FNDC3B: variants seen among roughly 807,000 people sequenced by gnomAD.
FNDC3B encodes the protein fibronectin type III domain containing 3B.
In FNDC3B, 12 loss-of-function variants were observed where a neutral mutation model predicts 151.5. The ratio of observed to expected loss-of-function variants is 0.08; its 90% CI spans 0.05 to 0.13. FNDC3B has a LOEUF of 0.13. Ranked by LOEUF, FNDC3B falls within the 10% of genes least tolerant of loss-of-function variation. The pLI is 1.00. For synonymous variants in FNDC3B, 528 were observed against 549.0 expected (o/e 0.96, Z 0.54); for missense variants, 1,214 against 1,505.3 (o/e 0.81, Z 3.20).
intron 2 of FNDC3B, among the ~76,000 whole-genome samples, chr3:172,124,252 T>C (rs9855419): frequency 0.65 from 99,491 of 152,072 alleles, 33,029 homozygotes; most frequent in East Asian, 0.76. Context: ...TACCACACCC[T>C]GTGAATTTTT....
chr3:172,319,204 G>A (rs1403638701), intron 11 of FNDC3B, among the ~76,000 whole-genome samples: 1 of 152,222 alleles, frequency 6.6e-6, no homozygotes, highest in African/African-American at 2.4e-5. Flanking sequence ...TGAGCTGGAA[G>A]AAGACTGCCT....
In FNDC3B at chr3:172,352,756, G is replaced by A; in HGVS notation, c.2515-47G>A. ...GCAGCTAACTCAGAGGCATCAAAAT[G>A]TGCTAATGGTGTAATATGGCCTTTG... On this transcript the variant is annotated intron_variant, in intron 21 of 25. Transcript: ENST00000415807. This position sits in a 1 kb window ranked among gnomAD's most constrained non-coding sequence, Gnocchi z 4.2. The A allele has an allele frequency of 6.3e-7, 1 of 1,580,380 alleles. No homozygotes were observed. The highest frequency in any genetic ancestry group is 8.6e-7 in the Non-Finnish European group (1 of 1,164,414).
chr3:172,206,053 GAT>G (rs1725405611), intron 3 of FNDC3B, among the ~76,000 whole-genome samples: 1 of 152,132 alleles, frequency 6.6e-6, no homozygotes, highest in South Asian at 2.1e-4. Context: ...ATTGAGCGGG[GAT>G]ATGTTTATAT....
intron 6 of FNDC3B, among the ~76,000 whole-genome samples, chr3:172,275,016 A>G (rs1729366607): frequency 6.6e-6 from 1 of 151,732 alleles, no homozygotes; most frequent in Admixed American, 6.6e-5. Context: ...TATCTATTAT[A>G]TTTTCCTCTT....
intron 6 of FNDC3B, among the ~76,000 whole-genome samples, chr3:172,279,104 C>T (rs982542765): frequency 7.2e-5 from 11 of 151,996 alleles, no homozygotes; most frequent in African/African-American, 2.7e-4. Flanking sequence ...CTCCATGTTG[C>T]CTCTCTTATT....
At chr3:172,248,689 T>TAA (rs1468078647) in intron 5 of FNDC3B, among the ~76,000 whole-genome samples, 1 of 147,832 alleles carries the variant, frequency 6.8e-6, no homozygotes, top group African/African-American at 2.5e-5. Flanking sequence ...TATATATATA[T>TAA]AATTATATAA....
chr3:172,053,467 A>G (rs919442228), intron 1 of FNDC3B, among the ~76,000 whole-genome samples: 1 of 152,074 alleles, frequency 6.6e-6, no homozygotes, highest in African/African-American at 2.4e-5. Flanking sequence ...CAACCTGTCT[A>G]TTGTCTAGAA....
At chr3:172,170,853 A>G (rs1723245649) in intron 3 of FNDC3B, among the ~76,000 whole-genome samples, 1 of 152,220 alleles carries the variant, frequency 6.6e-6, no homozygotes, top group Non-Finnish European at 1.5e-5. Flanking sequence ...GTTGAAACCA[A>G]GACAATAGAT....
At chr3:172,186,640 T>C in intron 3 of FNDC3B, 1 of 672,996 alleles carries the variant, frequency 1.5e-6, no homozygotes, top group Non-Finnish European at 2.7e-6. Flanking sequence ...ATGAAGAAAA[T>C]GGCAAGAAAA....
At chr3:172,244,215 C>T (rs894607131) in intron 4 of FNDC3B, among the ~76,000 whole-genome samples, 5 of 152,136 alleles carry the variant, frequency 3.3e-5, no homozygotes, top group African/African-American at 1.2e-4. Context: ...ACAGGTGATT[C>T]ATCTGCCTCT....
chr3:172,239,526 A>G (rs922101817), intron 4 of FNDC3B, among the ~76,000 whole-genome samples: 21 of 151,986 alleles, frequency 1.4e-4, no homozygotes, highest in Non-Finnish European at 2.8e-4. Flanking sequence ...ACATCACACT[A>G]CGTATGTTTG....
In FNDC3B at chr3:172,188,018, G is replaced by A. The variant is rs1195158804; in HGVS notation, c.188-38853G>A. On this transcript the variant is annotated intron_variant, in intron 3 of 25. Coordinates refer to ENST00000415807, the MANE Select transcript of FNDC3B (RefSeq NM_022763.4). ...GCAGTTTTTTTTTTTTTTTTGAGAC[G>A]GAGTTCTGTTCTTGTTGCCCAGGCT... Among the ~76,000 whole-genome samples the A allele has an allele frequency of 2.9e-5, 4 of 138,910 alleles. No individual in the cohort carries two copies. The Admixed American group carries it at 3.0e-4, about 10-fold the overall frequency. 91.1% of individuals were successfully genotyped at this position (138,910 alleles called of 152,430 possible). A position where few individuals can be genotyped will look rare whatever the true frequency, so the allele number is the denominator to read the frequency against.
chr3:172,169,103 G>A (rs1368272243), intron 3 of FNDC3B, among the ~76,000 whole-genome samples: 3 of 148,300 alleles, frequency 2.0e-5, no homozygotes, highest in African/African-American at 5.0e-5. Context: ...TCAGACATTC[G>A]TATTTTCAGC....
At chr3:172,255,686 G>A (rs527702646) in intron 6 of FNDC3B, among the ~76,000 whole-genome samples, 12 of 152,346 alleles carry the variant, frequency 7.9e-5, no homozygotes, top group Admixed American at 7.2e-4. Context: ...ACAGGCGTGA[G>A]CCACTGTGCC....
At chr3:172,103,372 G>A (rs768491647) in intron 1 of FNDC3B, among the ~76,000 whole-genome samples, 15 of 151,968 alleles carry the variant, frequency 9.9e-5, no homozygotes, top group Non-Finnish European at 2.1e-4. Context: ...AGGGGTTTAC[G>A]GAAGCAGCCT....
At chr3:172,298,839 G>A (rs774608204) in intron 9 of FNDC3B, 52 bp downstream of exon 9, 3 of 1,311,366 alleles carry the variant, frequency 2.3e-6, no homozygotes, top group African/African-American at 1.5e-5. Flanking sequence ...GGTGGCTAAA[G>A]CAAAAACATG....
In FNDC3B at chr3:172,303,464, G is replaced by T. The variant is rs528072955; in HGVS notation, c.1062-3899G>T. Among the ~76,000 whole-genome samples the T allele has an allele frequency of 2.0e-5, 3 of 152,300 alleles. No homozygotes were observed. In the South Asian group the frequency reaches 6.2e-4, roughly 32 times the overall value. ...GACCAAAAACTGTGGCTCCTAGTATGTTACATCGTGCTAGAAAAAGTTGGA... is the reference window on the plus strand; with the variant it reads ...GACCAAAAACTGTGGCTCCTAGTATTTTACATCGTGCTAGAAAAAGTTGGA... On this transcript the variant is annotated intron_variant, in intron 9 of 25. Coordinates refer to ENST00000415807, the MANE Select transcript of FNDC3B (RefSeq NM_022763.4).
intron 3 of FNDC3B, among the ~76,000 whole-genome samples, chr3:172,134,591 T>C (rs1302806729): frequency 6.6e-6 from 1 of 152,190 alleles, no homozygotes; most frequent in African/African-American, 2.4e-5. Context: ...GTTTTTTTTT[T>C]CCTTGCGTAA....
chr3:172,327,868 G>GT (rs1380564608), intron 11 of FNDC3B, among the ~76,000 whole-genome samples: 1 of 152,210 alleles, frequency 6.6e-6, no homozygotes, highest in Non-Finnish European at 1.5e-5. Context: ...TGCTTGCTTT[G>GT]TTTTTTGTGA....
Sources: allele counts gnomAD v4.1 joint callset (sites outside exome capture counted in the v4.1 genomes callset), GRCh38; gene constraint gnomAD v4.1.1; non-coding constraint Gnocchi (gnomAD v3.1); transcripts MANE v1.5; gene names NCBI Gene and HGNC (gene_info 2026-07-23, HGNC 2026-07-21).